KLHL29: variants seen among roughly 807,000 people sequenced by gnomAD.
KLHL29 encodes the protein kelch like family member 29.
KLHL29 carries 21 observed loss-of-function variants against 80.4 expected under a neutral mutation model. The ratio of observed to expected loss-of-function variants is 0.26; its 90% confidence interval spans 0.19 to 0.38. KLHL29 has a LOEUF of 0.38. Among genes scored for constraint, KLHL29 ranks in the 10% least tolerant of loss-of-function variants. KLHL29 has a pLI of 1.00. For synonymous variants in KLHL29, 511 were observed against 526.8 expected (o/e 0.97, Z 0.41); for missense variants, 867 against 1,223.9 (o/e 0.71, Z 4.35).
intron 3 of KLHL29, among the ~76,000 whole-genome samples, chr2:23,613,581 T>C (rs918957047): frequency 2.0e-5 from 3 of 151,824 alleles, no homozygotes; most frequent in African/African-American, 2.4e-5. Context: ...CTGGCCAACA[T>C]GGTGAAACCC....
chr2:23,550,011 G>C (rs1572394596), intron 2 of KLHL29, among the ~76,000 whole-genome samples: 3 of 152,160 alleles, frequency 2.0e-5, no homozygotes. Flanking sequence ...GGTCTACCCT[G>C]GCCTACCCTG....
chr2:23,538,138 A>C (rs1368510298), intron 2 of KLHL29, among the ~76,000 whole-genome samples: 1 of 152,218 alleles, frequency 6.6e-6, no homozygotes, highest in Non-Finnish European at 1.5e-5. Flanking sequence ...ACCACCAATA[A>C]GTAGCAGAAC....
At chr2:23,513,170 G>A (rs1273204134) in intron 2 of KLHL29, among the ~76,000 whole-genome samples, 2 of 152,262 alleles carry the variant, frequency 1.3e-5, no homozygotes, top group South Asian at 2.1e-4. Context: ...ATGGGGAAAT[G>A]TTAAATTTGG....
chr2:23,539,002 A>G (rs1285165366), intron 2 of KLHL29, among the ~76,000 whole-genome samples: 1 of 152,276 alleles, frequency 6.6e-6, no homozygotes, highest in African/African-American at 2.4e-5. Context: ...CAAATTCTGC[A>G]AACTCCTGAT....
At chr2:23,455,868 T>C (rs1177684994) in intron 1 of KLHL29, among the ~76,000 whole-genome samples, 2 of 152,172 alleles carry the variant, frequency 1.3e-5, no homozygotes, top group African/African-American at 4.8e-5. Context: ...AGAATGTGGC[T>C]GTATTTGGAC....
intron 2 of KLHL29, among the ~76,000 whole-genome samples, chr2:23,486,106 G>T (rs1045149286): frequency 6.6e-6 from 1 of 152,106 alleles, no homozygotes; most frequent in Admixed American, 6.6e-5. Flanking sequence ...TCCCAGAGAG[G>T]TGGCCCTCCT....
chr2:23,523,523 G>A lies in KLHL29; in HGVS notation c.-45-38629G>A, dbSNP rs181874638. On this transcript the variant is annotated intron_variant, in intron 2 of 13. Coordinates refer to ENST00000486442, the MANE Select transcript of KLHL29 (RefSeq NM_052920.2). ...AATCCCTTTCAGCTAAGGCTGGCAGGAATGAACTGCACTCTGGCTACAGAC... is the reference window on the plus strand; with the variant it reads ...AATCCCTTTCAGCTAAGGCTGGCAGAAATGAACTGCACTCTGGCTACAGAC... 1.2e-4 allele frequency among the ~76,000 whole-genome samples: 19 copies of A among 152,310 alleles called. No homozygotes were observed. In the East Asian group the frequency reaches 3.3e-3, roughly 26 times the overall value.
chr2:23,536,110 A>G (rs1666651303), intron 2 of KLHL29, among the ~76,000 whole-genome samples: 1 of 152,226 alleles, frequency 6.6e-6, no homozygotes, highest in African/African-American at 2.4e-5. Flanking sequence ...AGGCCCTTTC[A>G]GAGCGACAGG....
chr2:23,585,714 G>C (rs932163627), intron 3 of KLHL29, among the ~76,000 whole-genome samples: 1 of 152,100 alleles, frequency 6.6e-6, no homozygotes, highest in Non-Finnish European at 1.5e-5. Flanking sequence ...TCACCAAGGG[G>C]AGGGGACCCA....
intron 5 of KLHL29, among the ~76,000 whole-genome samples, chr2:23,671,421 G>A (rs554699956): frequency 8.5e-5 from 13 of 152,200 alleles, no homozygotes; most frequent in South Asian, 6.2e-4. Flanking sequence ...ACCAGATCTT[G>A]GAAAGATTAG....
At chr2:23,593,514 G>A (rs998436661) in intron 3 of KLHL29, among the ~76,000 whole-genome samples, 1 of 152,072 alleles carries the variant, frequency 6.6e-6, no homozygotes, top group African/African-American at 2.4e-5. Flanking sequence ...GGTGCTTCTG[G>A]GTCCCCTTGG....
chr2:23,591,863 A>T (rs914688839), intron 3 of KLHL29, among the ~76,000 whole-genome samples: 1 of 152,040 alleles, frequency 6.6e-6, no homozygotes, highest in Admixed American at 6.5e-5. Context: ...GCACATTCTC[A>T]TGCTGCTCGT....
intron 2 of KLHL29, among the ~76,000 whole-genome samples, chr2:23,541,508 A>T (rs1666834782): frequency 6.6e-6 from 1 of 152,220 alleles, no homozygotes; most frequent in Non-Finnish European, 1.5e-5. Context: ...CAGCACTCAC[A>T]GCCCCAGCAC....
At chr2:23,472,170 G>A (rs935298790) in intron 1 of KLHL29, among the ~76,000 whole-genome samples, 6 of 152,114 alleles carry the variant, frequency 3.9e-5, no homozygotes, top group African/African-American at 9.7e-5. Context: ...GGAAAGATGT[G>A]AAAAAATAAA....
intron 1 of KLHL29, among the ~76,000 whole-genome samples, chr2:23,418,110 AT>A (rs1662646983): frequency 6.6e-6 from 1 of 152,198 alleles, no homozygotes; most frequent in South Asian, 2.1e-4. Flanking sequence ...GAAAGAGTGA[AT>A]GAATCCAGAC....
intron 1 of KLHL29, among the ~76,000 whole-genome samples, chr2:23,430,219 G>C (rs1410979511): frequency 6.6e-6 from 1 of 152,164 alleles, no homozygotes; most frequent in Non-Finnish European, 1.5e-5. Context: ...GGTGAGGGAG[G>C]CCTGCCATCC....
chr2:23,485,315 G>GGCT (rs1434980986), intron 2 of KLHL29, among the ~76,000 whole-genome samples: 1 of 152,242 alleles, frequency 6.6e-6, no homozygotes, highest in African/African-American at 2.4e-5. Context: ...GCACAAAGAA[G>GGCT]GCTCTCAAAT....
At chr2:23,447,232 A>T (rs1663723085) in intron 1 of KLHL29, among the ~76,000 whole-genome samples, 1 of 152,182 alleles carries the variant, frequency 6.6e-6, no homozygotes, top group African/African-American at 2.4e-5. Flanking sequence ...TTCTGCAGGC[A>T]TCCACTGCCA....
chr2:23,478,745 C>T (rs1664704262), intron 2 of KLHL29, among the ~76,000 whole-genome samples: 1 of 152,136 alleles, frequency 6.6e-6, no homozygotes, highest in East Asian at 1.9e-4. Context: ...CCCCTGCCTC[C>T]ATCATTGAGG....
Sources: gnomAD v4.1 joint callset for allele counts (sites outside exome capture counted in the v4.1 genomes callset) on GRCh38, gnomAD v4.1.1 for gene constraint, MANE v1.5 for transcripts, NCBI Gene and HGNC (gene_info 2026-07-23, HGNC 2026-07-21) for gene names.